The following GABRB3 variants were observed in gnomAD, a reference collection of about 807,000 sequenced individuals.
GABRB3 encodes the protein gamma-aminobutyric acid type A receptor subunit beta3, also known as gamma-aminobutyric acid receptor subunit beta-3.
A neutral mutation model predicts 52.1 loss-of-function variants in GABRB3; 14 were observed. The ratio of observed to expected loss-of-function variants is 0.27; its 90% confidence interval spans 0.18 to 0.42. The LOEUF is 0.42. Ranked by LOEUF, GABRB3 falls within the 10% of genes least tolerant of loss-of-function variation. The pLI is 1.00. For missense variants in GABRB3, 307 were observed against 609.1 expected (o/e 0.50, Z 5.22); for synonymous variants, 260 against 232.3 (o/e 1.12, Z -1.08).
intron 3 of GABRB3, among the ~76,000 whole-genome samples, chr15:26,669,389 T>C (rs1024175600): frequency 2.0e-5 from 3 of 152,216 alleles, no homozygotes; most frequent in African/African-American, 7.2e-5. Flanking sequence ...GGTATCTTCC[T>C]CGTTGATGTG....
chr15:26,750,425 C>T (rs552718387), intron 3 of GABRB3, among the ~76,000 whole-genome samples: 7 of 152,242 alleles, frequency 4.6e-5, no homozygotes, highest in African/African-American at 1.7e-4. Flanking sequence ...AACTGAGAAA[C>T]TGTATGATAT....
At chr15:26,721,392 A>G (rs1279199765) in intron 3 of GABRB3, among the ~76,000 whole-genome samples, 2 of 151,956 alleles carry the variant, frequency 1.3e-5, no homozygotes, top group Non-Finnish European at 2.9e-5. Context: ...TCACTCATCA[A>G]TGGAGAGGCG....
intron 3 of GABRB3, among the ~76,000 whole-genome samples, chr15:26,660,321 T>C (rs1366530188): frequency 6.6e-6 from 1 of 152,180 alleles, no homozygotes; most frequent in East Asian, 1.9e-4. Context: ...AATATGGCTA[T>C]TTCCATAGCA....
At chr15:26,666,170 G>C (rs1487045408) in intron 3 of GABRB3, among the ~76,000 whole-genome samples, 1 of 152,170 alleles carries the variant, frequency 6.6e-6, no homozygotes, top group Admixed American at 6.5e-5. Context: ...AGCCAAGTGT[G>C]ATGCTATTTT....
chr15:26,749,006 T>C (rs549757491), intron 3 of GABRB3, among the ~76,000 whole-genome samples: 18 of 152,002 alleles, frequency 1.2e-4, no homozygotes, highest in East Asian at 7.8e-4. Flanking sequence ...GCCTGGGCAA[T>C]AGAATGAGAC....
At chr15:26,624,365 T>G (rs1448017961) in intron 3 of GABRB3, 1 of 985,390 alleles carries the variant, frequency 1.0e-6, no homozygotes, top group African/African-American at 1.7e-5. Context: ...TGTTTCTTTC[T>G]TTACTCCTAA....
intron 3 of GABRB3, among the ~76,000 whole-genome samples, chr15:26,667,760 A>C (rs1201107428): frequency 6.6e-6 from 1 of 152,130 alleles, no homozygotes; most frequent in African/African-American, 2.4e-5. Flanking sequence ...CTCATCCCAG[A>C]CCAGTTTATT....
At chr15:26,713,767 G>A (rs948107738) in intron 3 of GABRB3, among the ~76,000 whole-genome samples, 6 of 152,190 alleles carry the variant, frequency 3.9e-5, no homozygotes, top group Non-Finnish European at 8.8e-5. Flanking sequence ...ATGTGCAAGT[G>A]AGCATTCATC....
chr15:26,672,362 G>A (rs893214466), intron 3 of GABRB3, among the ~76,000 whole-genome samples: 2 of 152,068 alleles, frequency 1.3e-5, no homozygotes, highest in African/African-American at 4.8e-5. Context: ...CCCAGACATC[G>A]TCACAAGCCA....
At chr15:26,652,829 C>A (rs1049342427) in intron 3 of GABRB3, among the ~76,000 whole-genome samples, 2 of 152,128 alleles carry the variant, frequency 1.3e-5, no homozygotes, top group Non-Finnish European at 2.9e-5. Flanking sequence ...CTCCAGAATA[C>A]AGGAAATTGA....
At chr15:26,573,410 T>TA (rs1328183858) in intron 6 of GABRB3, among the ~76,000 whole-genome samples, 2 of 152,052 alleles carry the variant, frequency 1.3e-5, no homozygotes, top group Non-Finnish European at 2.9e-5. Context: ...ATTGGGGTTT[T>TA]AAAAAAAATT....
intron 3 of GABRB3, among the ~76,000 whole-genome samples, chr15:26,687,522 C>T (rs562544330): frequency 6.8e-4 from 104 of 152,208 alleles, no homozygotes; most frequent in African/African-American, 2.4e-3. Context: ...CCTCTCCCAT[C>T]CCCTCCCTTC....
rs150620537 is a variant in GABRB3, at chr15:26,699,511, C to G, written c.240+72891G>C. On this transcript the variant is annotated intron_variant, in intron 3 of 8. Transcript: ENST00000311550. ...GAATCAAAAAAAAAAAAACTCAAAA[C>G]TTTTTTAAATGTCAGAATTAGCAAA... is the stretch of plus-strand genomic sequence containing the variant. 1.1e-4 allele frequency among the ~76,000 whole-genome samples: 16 copies of G among 150,120 alleles called. No homozygotes were observed. The South Asian group carries it at 2.7e-3, about 26-fold the overall frequency.
chr15:26,759,110 C>A (rs947110163), intron 3 of GABRB3, among the ~76,000 whole-genome samples: 3 of 152,076 alleles, frequency 2.0e-5, no homozygotes, highest in African/African-American at 7.2e-5. Flanking sequence ...TAAAATCAAG[C>A]AATTTTCCTG....
At chr15:26,596,699 CA>C (rs1425450820) in intron 4 of GABRB3, among the ~76,000 whole-genome samples, 1 of 151,772 alleles carries the variant, frequency 6.6e-6, no homozygotes. Flanking sequence ...ACAAAACACA[CA>C]AAAAAAGAAG....
intron 3 of GABRB3, among the ~76,000 whole-genome samples, chr15:26,760,809 G>GCGCACACACACACACACACA (rs371524450): frequency 6.7e-6 from 1 of 149,286 alleles, no homozygotes; most frequent in Non-Finnish European, 1.5e-5. Context: ...ACACGCGCAC[G>GCGCACACACACACACACACA]CACACACACA....
At chr15:26,644,225 G>A (rs745312465) in intron 3 of GABRB3, among the ~76,000 whole-genome samples, 11 of 152,194 alleles carry the variant, frequency 7.2e-5, no homozygotes, top group Non-Finnish European at 1.3e-4. Context: ...AAAAATCTCA[G>A]TCTTCCTGCT....
At chr15:26,719,940 A>C (rs940356008) in intron 3 of GABRB3, among the ~76,000 whole-genome samples, 7 of 152,212 alleles carry the variant, frequency 4.6e-5, no homozygotes, top group Non-Finnish European at 8.8e-5. Flanking sequence ...GCACATATAC[A>C]TTCAGATGGC....
chr15:26,548,111 C>G lies in GABRB3; in HGVS notation c.1104G>C (p.Leu368=), dbSNP rs777145235. 6 of 1,614,142 alleles carry G rather than the reference C, an allele frequency of 3.7e-6. No homozygotes were observed. The Admixed American group carries it at 5.0e-5, about 13-fold the overall frequency. The change falls in exon 9 of 9, where the codon CTG becomes CTC. Residue 368 remains leucine (L), a synonymous_variant. Transcript: ENST00000311550. ...CATTGTGAACTTCCAGCGATGTCAA[C>G]AGAATATTTCCATGAGCATCCACCT... ...SNRVDAHGNI[L]LTSLEVHNEM...
Sources: allele counts gnomAD v4.1 joint callset (sites outside exome capture counted in the v4.1 genomes callset), GRCh38; gene constraint gnomAD v4.1.1; transcripts MANE v1.5; gene names NCBI Gene and HGNC (gene_info 2026-07-23, HGNC 2026-07-21).